The following ELAPOR1 variants were observed in gnomAD, a reference collection of about 807,000 sequenced individuals.
ELAPOR1 encodes endosome-lysosome associated apoptosis and autophagy regulator 1.
Under a neutral mutation model 119.7 loss-of-function variants are expected in ELAPOR1, and 77 were observed. That is an observed-to-expected ratio of 0.64 (90% confidence interval 0.54 to 0.78). ELAPOR1 has a LOEUF of 0.78. ELAPOR1 is among the 30% of genes least tolerant of loss of function. The pLI is 0.00. For synonymous variants in ELAPOR1, 481 were observed against 487.2 expected, an observed-to-expected ratio of 0.99 and a Z score of 0.17; for missense variants, 1,115 against 1,270.4, an observed-to-expected ratio of 0.88 and a Z score of 1.86.
Position 109,180,444 on chromosome 1 carries a change from C to T in ELAPOR1, c.953-4601C>T, listed in dbSNP as rs535196267. ...ATCGTTCAAGCCCAGGAGTTAGAAG[C>T]TGAGTGAGCCATGATTGCTCCATTG... On this transcript the variant is annotated intron_variant, in intron 7 of 21. Transcript: ENST00000369939. Among the ~76,000 whole-genome samples, 3 of 152,048 alleles carry T rather than the reference C, an allele frequency of 2.0e-5. No homozygotes were observed. In the South Asian group the frequency reaches 6.2e-4, roughly 32 times the overall value.
At position 109,144,061 on chromosome 1, in the gene ELAPOR1, A is replaced by ATATTTTTTTTTTTTTTTTTTTTTTTTT; in HGVS notation, c.154-17832_154-17831insATTTTTTTTTTTTTTTTTTTTTTTTTT. 3.4e-5 allele frequency among the ~76,000 whole-genome samples: 3 copies of ATATTTTTTTTTTTTTTTTTTTTTTTTT among 89,018 alleles called. 1 individual carries two copies. The highest frequency in any genetic ancestry group is 4.2e-5 in the Non-Finnish European group (2 of 47,414). 58.4% of individuals were successfully genotyped at this position (89,018 alleles called of 152,430 possible). A position where few individuals can be genotyped will look rare whatever the true frequency, so the allele number is the denominator to read the frequency against. On this transcript the variant is annotated intron_variant, in intron 1 of 21. Coordinates refer to ENST00000369939, the MANE Select transcript of ELAPOR1 (RefSeq NM_020775.5). ...TATATATATATATATATATTTATAT[A>ATATTTTTTTTTTTTTTTTTTTTTTTTT]TTTTTTTTTTTTTTTGAGATGGAGT...
At chr1:109,133,768 A>C (rs1173941295) in intron 1 of ELAPOR1, among the ~76,000 whole-genome samples, 1 of 152,236 alleles carries the variant, frequency 6.6e-6, no homozygotes, top group Non-Finnish European at 1.5e-5. Context: ...GGGAGGAAAT[A>C]GATAGCTTGT....
rs777721552 is a variant in ELAPOR1 at position 109,173,760 on chromosome 1, G to T, written c.875G>T (p.Cys292Phe). 6.2e-7 allele frequency: 1 copy of T among 1,614,110 alleles called. No homozygotes were observed. The highest frequency in any genetic ancestry group is 1.7e-5 in the Admixed American group (1 of 60,014). Residue 292 changes from cysteine to phenylalanine, a missense_variant, in exon 7 of 22, where the codon TGC becomes TTC. Transcript: ENST00000369939. ...GCAGACAAGCAGGGCTCCTCTTTCT[G>T]CAAACTTTGCCCAGCCAACTCTTAT... ...TYADKQGSSF[C>F]KLCPANSYSN...
In ELAPOR1 at chr1:109,164,574, C is replaced by T; in HGVS notation, c.350C>T (p.Ser117Phe). ...AAGCCATGCGCTGAGGGCCGCTACT[C>T]CCTCGGCACAGGCATTCGGTTTGAT... Reference protein sequence around the residue: ...SCKPCAEGRYSLGTGIRFDEW... With the variant: ...SCKPCAEGRYFLGTGIRFDEW... Residue 117 changes from serine to phenylalanine, a missense_variant, in exon 3 of 22, where the codon TCC (serine) becomes TTC (phenylalanine). Physicochemically the swap from Ser to Phe is radical, Grantham distance 155. Coordinates refer to ENST00000369939, the MANE Select transcript of ELAPOR1 (RefSeq NM_020775.5). 6.2e-7 allele frequency: 1 copy of T among 1,614,254 alleles called. No homozygotes were observed. Among genetic ancestry groups the T allele is most frequent in the Non-Finnish European group, 8.5e-7 (1 of 1,180,034 alleles).
intron 1 of ELAPOR1, among the ~76,000 whole-genome samples, chr1:109,141,504 G>C (rs556289351): frequency 6.6e-6 from 1 of 151,854 alleles, no homozygotes; most frequent in South Asian, 2.1e-4. Flanking sequence ...ATCGTGATCT[G>C]CCCGCCTCAG....
intron 1 of ELAPOR1, among the ~76,000 whole-genome samples, chr1:109,130,943 A>G (rs1013061090): frequency 2.6e-5 from 4 of 152,134 alleles, no homozygotes; most frequent in Non-Finnish European, 5.9e-5. Context: ...TTTGAGACCA[A>G]CCTGGGCCGC....
rs1301212459 is a variant in ELAPOR1, at chr1:109,127,897, C to G, written c.153+13561C>G. On this transcript the variant is annotated intron_variant, in intron 1 of 21. Transcript: ENST00000369939. ...TTTTTTTTAAGTCTTTTCTTTGAGA[C>G]AGAGTCTCGCTCTGTCACCAGGCTA... 9.4e-5 allele frequency among the ~76,000 whole-genome samples: 14 copies of G among 148,636 alleles called. No homozygotes were observed. The Admixed American group carries it at 9.5e-4, about 10-fold the overall frequency.
intron 2 of ELAPOR1, 33 bp downstream of exon 2, chr1:109,162,047 C>A: frequency 6.3e-7 from 1 of 1,589,966 alleles, no homozygotes; most frequent in South Asian, 1.1e-5. Flanking sequence ...GCCTCCCTGT[C>A]ACTCAGCTTT....
chr1:109,163,765 G>A (rs553714449), intron 2 of ELAPOR1, among the ~76,000 whole-genome samples: 10 of 152,306 alleles, frequency 6.6e-5, no homozygotes, highest in African/African-American at 2.4e-4. Context: ...AACTAGTTAG[G>A]AGGATATTGC....
chr1:109,118,900 C>CTTTTTTTTTTTTTTTTTTTTTTT (rs777752743), intron 1 of ELAPOR1, among the ~76,000 whole-genome samples: 1 of 128,210 alleles, frequency 7.8e-6, no homozygotes, highest in Admixed American at 8.0e-5. Context: ...TTTGGTTCTT[C>CTTTTTTTTTTTTTTTTTTTTTTT]TTTTTTTTTT....
At chr1:109,191,510 G>A (rs373321497) in intron 12 of ELAPOR1, 39 bp downstream of exon 12, 1 of 1,559,918 alleles carries the variant, frequency 6.4e-7, no homozygotes, top group Non-Finnish European at 8.8e-7. Flanking sequence ...GGGCCTCCAG[G>A]GGAGGGTTAG....
chr1:109,166,749 A>C (rs967301343), intron 3 of ELAPOR1, among the ~76,000 whole-genome samples: 1 of 152,106 alleles, frequency 6.6e-6, no homozygotes, highest in Non-Finnish European at 1.5e-5. Context: ...GGTCCTAGGG[A>C]GCGAAAGTGG....
intron 1 of ELAPOR1, among the ~76,000 whole-genome samples, chr1:109,120,648 G>A (rs1648347092): frequency 6.6e-6 from 1 of 151,826 alleles, no homozygotes; most frequent in Non-Finnish European, 1.5e-5. Flanking sequence ...AGTCACTTTA[G>A]CCCCAGACAT....
At chr1:109,182,669 C>G (rs915717808) in intron 7 of ELAPOR1, among the ~76,000 whole-genome samples, 7 of 151,984 alleles carry the variant, frequency 4.6e-5, no homozygotes, top group African/African-American at 1.7e-4. Context: ...AGATCGAGAC[C>G]ATCCTGGCTA....
At chr1:109,144,061 A>ATATATATATATATATATATATTT in intron 1 of ELAPOR1, among the ~76,000 whole-genome samples, 1 of 88,988 alleles carries the variant, frequency 1.1e-5, no homozygotes, top group African/African-American at 4.8e-5. Context: ...ATATTTATAT[A>ATATATATATATATATATATATTT]TTTTTTTTTT....
In ELAPOR1 at chr1:109,193,000, T is replaced by A. The variant is rs1356021305; in HGVS notation, c.1947+126T>A. Reference sequence around the variant, plus strand: ...GTGCTCCCCCTAGCATACTCCTAGGTTGGAGTCCTGGAGGACACCCATCCA... The same window carrying A: ...GTGCTCCCCCTAGCATACTCCTAGGATGGAGTCCTGGAGGACACCCATCCA... On this transcript the variant is annotated intron_variant, in intron 14 of 21. Coordinates refer to ENST00000369939, the MANE Select transcript of ELAPOR1 (RefSeq NM_020775.5). The A allele has an allele frequency of 2.8e-6, 3 of 1,089,542 alleles. No individual in the cohort carries two copies. In the Admixed American group the frequency reaches 7.7e-5, roughly 28 times the overall value. The allele number at this position is 1,089,542 out of a possible 1,614,324, so 67.5% of individuals were successfully genotyped here. A position where few individuals can be genotyped will look rare whatever the true frequency, so the allele number is the denominator to read the frequency against.
intron 1 of ELAPOR1, among the ~76,000 whole-genome samples, chr1:109,150,619 G>A (rs987387639): frequency 2.0e-5 from 3 of 152,202 alleles, no homozygotes; most frequent in Admixed American, 6.5e-5. Context: ...ACTCGTTCAA[G>A]TCAAGACTCT....
intron 8 of ELAPOR1, chr1:109,186,568 T>C (rs2101098857): frequency 2.0e-6 from 2 of 985,540 alleles, no homozygotes; most frequent in Non-Finnish European, 2.4e-6. Flanking sequence ...CATCCCCTTC[T>C]CCAGCAGCCA....
intron 1 of ELAPOR1, among the ~76,000 whole-genome samples, chr1:109,125,591 G>A (rs935969941): frequency 2.7e-5 from 4 of 150,440 alleles, no homozygotes; most frequent in Non-Finnish European, 5.9e-5. Context: ...TCACCATGTT[G>A]GCCAGGATGG....
Sources: allele counts gnomAD v4.1 joint callset (sites outside exome capture counted in the v4.1 genomes callset), GRCh38; gene constraint gnomAD v4.1.1; transcripts MANE v1.5; gene names NCBI Gene and HGNC (gene_info 2026-07-23, HGNC 2026-07-21).